Variants in PRIM2 observed in about 807,000 individuals in gnomAD.
PRIM2 encodes DNA primase subunit 2, also known as DNA primase large subunit.
Under a neutral mutation model 67.3 loss-of-function variants are expected in PRIM2, and 39 were observed. The ratio of observed to expected loss-of-function variants is 0.58; its 90% CI spans 0.45 to 0.76. PRIM2 has a LOEUF of 0.76. Among genes scored for constraint, PRIM2 ranks in the 30% least tolerant of loss-of-function variants. The probability of loss-of-function intolerance (pLI) is 0.00; values close to 1 mark genes in which losing one functional copy is unlikely to be tolerated. For synonymous variants in PRIM2, 143 were observed against 198.7 expected (o/e 0.72, Z 2.36); for missense variants, 398 against 598.7 (o/e 0.66, Z 3.50).
chr6:57,344,488 A>G (rs1768604529), intron 5 of PRIM2, among the ~76,000 whole-genome samples: 1 of 151,698 alleles, frequency 6.6e-6, no homozygotes, highest in African/African-American at 2.4e-5. Flanking sequence ...AGCACTGTGT[A>G]TTTCTGTTAC....
At chr6:57,442,672 A>T (rs1041823785) in intron 7 of PRIM2, among the ~76,000 whole-genome samples, 4 of 151,990 alleles carry the variant, frequency 2.6e-5, no homozygotes, top group African/African-American at 9.7e-5. Context: ...TTTAAATGGA[A>T]TTTTTATTGT....
chr6:57,520,814 G>T (rs1774599362), intron 8 of PRIM2, among the ~76,000 whole-genome samples: 1 of 152,122 alleles, frequency 6.6e-6, no homozygotes, highest in Non-Finnish European at 1.5e-5. Context: ...AGGAAAATAT[G>T]GGCCACATGG....
intron 7 of PRIM2, among the ~76,000 whole-genome samples, chr6:57,438,000 T>A (rs1256382223): frequency 1.3e-5 from 2 of 152,272 alleles, no homozygotes; most frequent in South Asian, 2.1e-4. Context: ...TCCTACTCCA[T>A]AGTTACATGG....
At chr6:57,453,166 C>A (rs1268554592) in intron 7 of PRIM2, among the ~76,000 whole-genome samples, 6 of 152,174 alleles carry the variant, frequency 3.9e-5, no homozygotes, top group African/African-American at 1.4e-4. Flanking sequence ...GATACAAATA[C>A]CATGCTGTTT....
At chr6:57,514,911 T>A (rs1397759973) in intron 8 of PRIM2, among the ~76,000 whole-genome samples, 2 of 152,124 alleles carry the variant, frequency 1.3e-5, no homozygotes, top group Non-Finnish European at 2.9e-5. Context: ...TTGCTGCAAG[T>A]TAAGTAGATA....
intron 10 of PRIM2, among the ~76,000 whole-genome samples, chr6:57,576,861 A>G (rs1289468753): frequency 2.0e-5 from 3 of 150,962 alleles, no homozygotes; most frequent in Admixed American, 6.6e-5. Context: ...TTTGAACTAT[A>G]TAATAAAACA....
the PRIM2 span, among the ~76,000 whole-genome samples, chr6:57,287,089 G>A: frequency 2.0e-5 from 3 of 152,136 alleles, no homozygotes; most frequent in East Asian, 3.9e-4. Flanking sequence ...AATGGTAATC[G>A]TTAAAATGTC....
intron 10 of PRIM2, among the ~76,000 whole-genome samples, chr6:57,583,718 A>G (rs1462676521): frequency 2.0e-5 from 3 of 152,218 alleles, no homozygotes; most frequent in African/African-American, 7.2e-5. Flanking sequence ...GTCAAATGGT[A>G]TTTCTAGTTC....
intron 10 of PRIM2, among the ~76,000 whole-genome samples, chr6:57,591,948 A>G (rs1214499975): frequency 6.6e-6 from 1 of 152,238 alleles, no homozygotes; most frequent in Non-Finnish European, 1.5e-5. Context: ...AATTAGATAA[A>G]GAAAATATGG....
chr6:57,563,385 G>C (rs1775677036), intron 10 of PRIM2, among the ~76,000 whole-genome samples: 2 of 151,714 alleles, frequency 1.3e-5, no homozygotes, highest in African/African-American at 4.8e-5. Flanking sequence ...AGTAGAGGAA[G>C]CACTGGTTAG....
chr6:57,637,800 AG>A (rs1426266636), intron 13 of PRIM2, among the ~76,000 whole-genome samples: 105 of 152,328 alleles, frequency 6.9e-4, no homozygotes, highest in African/African-American at 2.4e-3. Context: ...AGTGACCGGG[AG>A]AATGGAACTA....
chr6:57,478,157 C>T (rs1306266432), intron 7 of PRIM2, among the ~76,000 whole-genome samples: 1 of 152,116 alleles, frequency 6.6e-6, no homozygotes, highest in East Asian at 1.9e-4. Flanking sequence ...GATTAATCCC[C>T]TTATCTGTGT....
At chr6:57,569,585 A>G (rs1391699716) in intron 10 of PRIM2, among the ~76,000 whole-genome samples, 1 of 152,176 alleles carries the variant, frequency 6.6e-6, no homozygotes, top group Non-Finnish European at 1.5e-5. Context: ...CCTGAATGCC[A>G]TCATCTATGT....
chr6:57,336,198 A>G (rs970644744), intron 5 of PRIM2, among the ~76,000 whole-genome samples: 2 of 152,196 alleles, frequency 1.3e-5, no homozygotes, highest in Non-Finnish European at 2.9e-5. Flanking sequence ...TCCAAGAAAT[A>G]TGGGACTATG....
intron 7 of PRIM2, among the ~76,000 whole-genome samples, chr6:57,418,439 C>T (rs1442764861): frequency 9.1e-6 from 1 of 109,410 alleles, no homozygotes; most frequent in African/African-American, 3.4e-5. Context: ...ACTCTGTTGC[C>T]AGGCTGGAGT....
rs1420205849 is a variant in PRIM2, at chr6:57,374,787, C to T, written c.460-5114C>T. ...TGTATTTTTAGCAGAGACGGGGTTT[C>T]GCCGTGTTGGGCAGTCATGAACTCC... On this transcript the variant is annotated intron_variant, in intron 5 of 13. Coordinates refer to ENST00000615550, the MANE Select transcript of PRIM2 (RefSeq NM_000947.5). 6.6e-5 allele frequency among the ~76,000 whole-genome samples: 10 copies of T among 152,220 alleles called. No homozygotes were observed. The East Asian group carries it at 9.7e-4, about 15-fold the overall frequency.
chr6:57,393,066 A>G (rs1173356167), intron 7 of PRIM2, among the ~76,000 whole-genome samples: 1 of 151,648 alleles, frequency 6.6e-6, no homozygotes, highest in Non-Finnish European at 1.5e-5. Context: ...ATTGATGGGC[A>G]TTTGGATTGG....
the PRIM2 span, among the ~76,000 whole-genome samples, chr6:57,229,449 CT>C: frequency 6.6e-6 from 1 of 151,334 alleles, no homozygotes; most frequent in Non-Finnish European, 1.5e-5. Context: ...ATTCATTAGG[CT>C]TTTTAATCTT....
At chr6:57,356,931 C>CTTTTTTTT in intron 5 of PRIM2, among the ~76,000 whole-genome samples, 1 of 120,794 alleles carries the variant, frequency 8.3e-6, no homozygotes, top group Non-Finnish European at 1.7e-5. Flanking sequence ...CCAATCCATT[C>CTTTTTTTT]TTTTTTTTTT....
Sources: gnomAD v4.1 joint callset for allele counts (sites outside exome capture counted in the v4.1 genomes callset) on GRCh38, gnomAD v4.1.1 for gene constraint, MANE v1.5 for transcripts, NCBI Gene and HGNC (gene_info 2026-07-23, HGNC 2026-07-21) for gene names.